Variants in FSIP1 observed in about 807,000 individuals in gnomAD.
The protein encoded by FSIP1 is fibrous sheath interacting protein 1.
FSIP1 carries 65 observed loss-of-function variants against 60.9 expected under a neutral mutation model. That is an observed-to-expected ratio of 1.07 (90% CI 0.87 to 1.31). FSIP1 has a LOEUF of 1.31. FSIP1 is among the 40% of genes most tolerant of loss of function. FSIP1 has a pLI of 0.00. For missense variants in FSIP1, 675 were observed against 665.5 expected, an observed-to-expected ratio of 1.01 and a Z score of -0.16; for synonymous variants, 209 against 221.2, an observed-to-expected ratio of 0.94 and a Z score of 0.49.
chr15:39,756,073 G>C (rs1897292195), intron 5 of FSIP1, among the ~76,000 whole-genome samples: 1 of 152,046 alleles, frequency 6.6e-6, no homozygotes, highest in South Asian at 2.1e-4. Flanking sequence ...GTACAATATT[G>C]TTTACTTCAA....
At chr15:39,625,663 C>G (rs1004823189) in intron 10 of FSIP1, among the ~76,000 whole-genome samples, 6 of 152,148 alleles carry the variant, frequency 3.9e-5, no homozygotes, top group African/African-American at 1.4e-4. Context: ...TCTATCACTT[C>G]CTTTCCCGAA....
At chr15:39,628,150 G>A (rs1439435711) in intron 10 of FSIP1, among the ~76,000 whole-genome samples, 1 of 152,140 alleles carries the variant, frequency 6.6e-6, no homozygotes, top group African/African-American at 2.4e-5. Context: ...TGGCATATCT[G>A]GGACGAGAGC....
chr15:39,740,671 A>C (rs995513737), intron 6 of FSIP1, among the ~76,000 whole-genome samples: 1 of 152,190 alleles, frequency 6.6e-6, no homozygotes, highest in Non-Finnish European at 1.5e-5. Flanking sequence ...TTGTTTTATA[A>C]GGGAGGTTAC....
intron 9 of FSIP1, among the ~76,000 whole-genome samples, chr15:39,720,779 G>A (rs1249938522): frequency 2.6e-5 from 4 of 152,140 alleles, no homozygotes; most frequent in African/African-American, 9.7e-5. Context: ...TGGAAAGAAC[G>A]AACTGATTTG....
At chr15:39,722,318 G>A (rs76755806) in intron 9 of FSIP1, among the ~76,000 whole-genome samples, 7,732 of 151,968 alleles carry the variant, frequency 0.051, 589 homozygotes, top group Admixed American at 0.2. Context: ...ATGGTGAGTT[G>A]TATAATTATT....
chr15:39,764,007 C>A, intron 4 of FSIP1, 93 bp from the exon 5 acceptor site: 1 of 689,936 alleles, frequency 1.4e-6, no homozygotes. Context: ...CAATCACATA[C>A]GTACAAACGA....
At chr15:39,653,925 AT>A (rs901498128) in intron 10 of FSIP1, among the ~76,000 whole-genome samples, 44 of 151,774 alleles carry the variant, frequency 2.9e-4, no homozygotes, top group Non-Finnish European at 5.6e-4. Context: ...TTTTTATTTT[AT>A]TTTTTTTACT....
In FSIP1 at chr15:39,681,051, C is replaced by G. The variant is rs547947847; in HGVS notation, c.1188+32393G>C. Reference sequence around the variant, plus strand: ...CTGGGATGGAGACCAGCCACGACCCCCTTCTACAAAGCATTCCAAGAACGT... The same window carrying G: ...CTGGGATGGAGACCAGCCACGACCCGCTTCTACAAAGCATTCCAAGAACGT... On this transcript the variant is annotated intron_variant, in intron 10 of 11. Transcript: ENST00000350221. 7.9e-5 allele frequency among the ~76,000 whole-genome samples: 12 copies of G among 152,256 alleles called. No individual in the cohort carries two copies. The East Asian group carries it at 1.5e-3, about 20-fold the overall frequency.
Position 39,600,928 on chromosome 15 carries a change from T to C in FSIP1, c.1700-2A>G, listed in dbSNP as rs763641732. ...CTGCATCTTTAGTCTCCTGCTCATC[T>C]GCACATAAAAACAATAACCACAGTT... On this transcript the variant is annotated splice_acceptor_variant, in intron 11 of 11. Transcript: ENST00000350221. LOFTEE classifies it high-confidence loss of function. The C allele has an allele frequency of 3.7e-6, 6 of 1,608,226 alleles. No individual in the cohort carries two copies. The highest frequency in any genetic ancestry group is 5.1e-6 in the Non-Finnish European group (6 of 1,177,624).
intron 10 of FSIP1, among the ~76,000 whole-genome samples, chr15:39,700,155 T>C (rs1894997616): frequency 1.3e-5 from 2 of 152,240 alleles, no homozygotes; most frequent in Admixed American, 1.3e-4. Flanking sequence ...TTCCCTGTAA[T>C]GGCCCAAGCT....
At chr15:39,745,801 GAC>G (rs2140656311) in intron 5 of FSIP1, among the ~76,000 whole-genome samples, 1 of 152,206 alleles carries the variant, frequency 6.6e-6, no homozygotes, top group African/African-American at 2.4e-5. Context: ...ATAATAAAAT[GAC>G]AGAGCCTGGC....
At position 39,617,486 on chromosome 15, in the gene FSIP1, GA is replaced by G. The variant is rs1208784469; in HGVS notation, c.1699+248del. ...TTCAAACTAATTTCTCTTTTCCTGTGAAACCAACATTATTTTCTGGATGACA... is the reference window on the plus strand; with the variant it reads ...TTCAAACTAATTTCTCTTTTCCTGTGAACCAACATTATTTTCTGGATGACA... On this transcript the variant is annotated intron_variant, in intron 11 of 11. Transcript: ENST00000350221. 2.0e-5 allele frequency among the ~76,000 whole-genome samples: 3 copies of G among 152,058 alleles called. No homozygotes were observed. In the East Asian group the frequency reaches 5.8e-4, roughly 29 times the overall value.
chr15:39,751,667 G>A (rs1047975280), intron 5 of FSIP1, among the ~76,000 whole-genome samples: 19 of 151,704 alleles, frequency 1.3e-4, no homozygotes, highest in African/African-American at 4.6e-4. Flanking sequence ...AACACTGGGA[G>A]GAAATGGGAA....
intron 11 of FSIP1, among the ~76,000 whole-genome samples, chr15:39,615,544 T>C (rs1891194231): frequency 6.6e-6 from 1 of 151,458 alleles, no homozygotes; most frequent in Non-Finnish European, 1.5e-5. Context: ...AAATGTAAAT[T>C]AAAATCAAAA....
At chr15:39,669,173 T>C (rs1893619866) in intron 10 of FSIP1, among the ~76,000 whole-genome samples, 1 of 152,132 alleles carries the variant, frequency 6.6e-6, no homozygotes, top group Admixed American at 6.5e-5. Flanking sequence ...GCCTGAGCTC[T>C]CCCACTTTCC....
chr15:39,775,390 T>C (rs1460218926), intron 2 of FSIP1, among the ~76,000 whole-genome samples: 2 of 152,064 alleles, frequency 1.3e-5, no homozygotes, highest in Non-Finnish European at 2.9e-5. Flanking sequence ...AAATTTTTCA[T>C]TATAATGTTC....
intron 10 of FSIP1, among the ~76,000 whole-genome samples, chr15:39,677,478 G>A (rs1040807628): frequency 1.3e-5 from 2 of 150,374 alleles, no homozygotes; most frequent in Non-Finnish European, 2.9e-5. Flanking sequence ...TTTTTTGACT[G>A]AATGAATGAA....
At chr15:39,695,546 A>G (rs1473434585) in intron 10 of FSIP1, among the ~76,000 whole-genome samples, 2 of 152,058 alleles carry the variant, frequency 1.3e-5, no homozygotes, top group Admixed American at 6.6e-5. Flanking sequence ...ACTATTTTTC[A>G]CAGTCAAATT....
intron 8 of FSIP1, among the ~76,000 whole-genome samples, chr15:39,729,422 A>G (rs1896320093): frequency 6.6e-6 from 1 of 152,148 alleles, no homozygotes; most frequent in Non-Finnish European, 1.5e-5. Context: ...AAAATTTTAA[A>G]AATTAGCCAA....
Sources: allele counts gnomAD v4.1 joint callset (sites outside exome capture counted in the v4.1 genomes callset), GRCh38; gene constraint gnomAD v4.1.1; transcripts MANE v1.5; gene names NCBI Gene and HGNC (gene_info 2026-07-23, HGNC 2026-07-21).